The following DLX1 variants were observed in gnomAD, a reference collection of about 807,000 sequenced individuals.
DLX1 encodes the protein distal-less homeobox 1, also known as homeobox protein DLX-1.
Under a neutral mutation model 25.0 loss-of-function variants are expected in DLX1, and 7 were observed. The observed-to-expected ratio is 0.28, with a 90% CI of 0.16 to 0.52. DLX1 has a LOEUF of 0.52. Ranked by LOEUF, DLX1 falls within the 20% of genes least tolerant of loss-of-function variation. The pLI is 0.96. For synonymous variants in DLX1, 155 were observed against 140.3 expected, an observed-to-expected ratio of 1.10 and a Z score of -0.74; for missense variants, 233 against 334.4, an observed-to-expected ratio of 0.70 and a Z score of 2.37.
At chr2:172,086,080 G>C in intron 1 of DLX1, 90 bp downstream of exon 1, 1 of 556,868 alleles carries the variant, frequency 1.8e-6, no homozygotes, top group Non-Finnish European at 2.7e-6. Context: ...GGGAGAGAGA[G>C]AGAAAGAGAA....
At position 172,088,097 on chromosome 2, in the gene DLX1, G is replaced by C. The variant is rs758908128; in HGVS notation, c.608G>C (p.Arg203Pro). 1 of 1,602,538 alleles carries C rather than the reference G, an allele frequency of 6.2e-7. No homozygotes were observed. The change falls in exon 3 of 3, where the codon CGG becomes CCG. Residue 203 changes from arginine to proline, a missense_variant. This residue lies in a region of DLX1 where 84 missense variants were observed against 81.8 expected (regional missense o/e 1.03). Coordinates refer to ENST00000361725, the MANE Select transcript of DLX1 (RefSeq NM_178120.5). ...GAGGGTAGTGCGTTGGCCAACGGTC[G>C]GGCCCTGTCTGCTGGCTCCCCACCC... ...ALEGSALANG[R>P]ALSAGSPPVP...
At chr2:172,087,237 G>A in intron 2 of DLX1, 6 of 408,242 alleles carry the variant, frequency 1.5e-5, no homozygotes, top group Non-Finnish European at 2.4e-5. Context: ...GCCTGGGTCC[G>A]CGCCTCAGCC....
chr2:172,088,275 C>T lies in DLX1; in HGVS notation c.*18C>T. 1 of 1,445,754 alleles carries T rather than the reference C, an allele frequency of 6.9e-7. No individual in the cohort carries two copies. The highest frequency in any genetic ancestry group is 9.2e-7 in the Non-Finnish European group (1 of 1,090,218). The allele number at this position is 1,445,754 out of a possible 1,614,324, so 89.6% of individuals were successfully genotyped here. A position where few individuals can be genotyped will look rare whatever the true frequency, so the allele number is the denominator to read the frequency against. On this transcript the variant is annotated 3_prime_UTR_variant, in exon 3 of 3. Coordinates refer to ENST00000361725, the MANE Select transcript of DLX1 (RefSeq NM_178120.5). ...TTATGTGAGGTTGCCCGCCCGTCTC[C>T]TTCTTGTCTCCCCGGCCCAGGTCCC...
Position 172,087,236 on chromosome 2 carries a change from C to G in DLX1, c.513+383C>G, listed in dbSNP as rs547814095. On this transcript the variant is annotated intron_variant, in intron 2 of 2. Transcript: ENST00000361725. ...TGACTAATCACTCGGGGCCTGGGTC[C>G]GCGCCTCAGCCTCCCTCCTCCTCCT... 294 of 407,976 alleles carry G rather than the reference C, an allele frequency of 7.2e-4. 1 individual carries two copies. The highest frequency in any genetic ancestry group is 1.1e-3 in the Non-Finnish European group (239 of 209,080). The allele number at this position is 407,976 out of a possible 1,614,324, so 25.3% of individuals were successfully genotyped here.
chr2:172,087,290 A>C (rs1010270219), intron 2 of DLX1: 5 of 374,820 alleles, frequency 1.3e-5, no homozygotes, highest in Admixed American at 1.1e-4. Flanking sequence ...GTGGGGGGAG[A>C]TCCTTTCCTC....
Position 172,088,411 on chromosome 2 carries a change from C to T in DLX1, c.*154C>T. 1 of 1,017,956 alleles carries T rather than the reference C, an allele frequency of 9.8e-7. No homozygotes were observed. Among genetic ancestry groups the T allele is most frequent in the Non-Finnish European group, 1.3e-6 (1 of 764,626 alleles). The allele number at this position is 1,017,956 out of a possible 1,614,324, so 63.1% of individuals were successfully genotyped here. A position where few individuals can be genotyped will look rare whatever the true frequency, so the allele number is the denominator to read the frequency against. On this transcript the variant is annotated 3_prime_UTR_variant, in exon 3 of 3. Coordinates refer to ENST00000361725, the MANE Select transcript of DLX1 (RefSeq NM_178120.5). ...CCTCGGAGCCCCGCGAGGTCCGGCC[C>T]AGCAACTTCCCGGCATCCGCGCTCT...
At chr2:172,086,624 C>A in intron 1 of DLX1, 30 bp from the exon 2 acceptor site, 1 of 1,514,148 alleles carries the variant, frequency 6.6e-7, no homozygotes, top group South Asian at 1.3e-5. Flanking sequence ...CTCGTATTAA[C>A]AACGGGCCCT....
In DLX1 at chr2:172,086,797, C is replaced by G; in HGVS notation, c.457C>G (p.Leu153Val). ...CCGGAGGTTCCAGCAAACTCAGTAC[C>G]TAGCTCTGCCGGAGAGGGCGGAGCT... ...LNRRFQQTQY[L>V]ALPERAELAA... The change falls in exon 2 of 3, where the codon CTA becomes GTA. Residue 153 changes from leucine to valine, a missense_variant. By Grantham distance (32) the Leu-to-Val change is conservative. Coordinates refer to ENST00000361725, the MANE Select transcript of DLX1 (RefSeq NM_178120.5). 1 of 1,614,274 alleles carries G rather than the reference C, an allele frequency of 6.2e-7. No homozygotes were observed. The highest frequency in any genetic ancestry group is 8.5e-7 in the Non-Finnish European group (1 of 1,180,050).
chr2:172,088,713 C>T lies in DLX1; in HGVS notation c.*456C>T, dbSNP rs1428752914. ...CCGTCCGCTGTCCTCATTCTGCGGC[C>T]TCAGCAAAAAGCCACAAGGTCTGAG... is the stretch of plus-strand genomic sequence containing the variant. On this transcript the variant is annotated 3_prime_UTR_variant, in exon 3 of 3. Coordinates refer to ENST00000361725, the MANE Select transcript of DLX1 (RefSeq NM_178120.5). The T allele has an allele frequency of 6.5e-6, 1 of 153,822 alleles. No homozygotes were observed. The highest frequency in any genetic ancestry group is 1.5e-5 in the Non-Finnish European group (1 of 68,888). 9.5% of individuals were successfully genotyped at this position (153,822 alleles called of 1,614,324 possible). A position where few individuals can be genotyped will look rare whatever the true frequency, so the allele number is the denominator to read the frequency against.
chr2:172,087,519 C>T (rs1403464905), intron 2 of DLX1: 1 of 459,432 alleles, frequency 2.2e-6, no homozygotes, highest in South Asian at 1.5e-5. Context: ...AACCTTGAGG[C>T]CTCCTTAGTC....
chr2:172,086,467 C>G, intron 1 of DLX1, 187 bp from the exon 2 acceptor site: 2 of 574,390 alleles, frequency 3.5e-6, no homozygotes, highest in East Asian at 3.0e-5. Context: ...ACGGCTCTAT[C>G]CCTCCTGCAG....
In DLX1 at chr2:172,088,996, C is replaced by G. The variant is rs1690919465; in HGVS notation, c.*739C>G. 6.6e-6 allele frequency: 1 copy of G among 152,206 alleles called. No homozygotes were observed. The highest frequency in any genetic ancestry group is 1.5e-5 in the Non-Finnish European group (1 of 68,046). 9.4% of individuals were successfully genotyped at this position (152,206 alleles called of 1,614,324 possible). On this transcript the variant is annotated 3_prime_UTR_variant, in exon 3 of 3. Coordinates refer to ENST00000361725, the MANE Select transcript of DLX1 (RefSeq NM_178120.5). ...TGGTGATTTTTAATTTATACAGTAA[C>G]TTTTGTACTTCTCTGGTATGGAGAG...
chr2:172,086,214 A>G (rs1358949169), intron 1 of DLX1: 5 of 579,088 alleles, frequency 8.6e-6, no homozygotes, highest in Non-Finnish European at 1.5e-5. Flanking sequence ...ATTTGCAACT[A>G]TCCAGCCAAG....
intron 2 of DLX1, 25 bp downstream of exon 2, chr2:172,086,878 C>T: frequency 6.2e-7 from 1 of 1,613,770 alleles, no homozygotes; most frequent in Non-Finnish European, 8.5e-7. Context: ...CCGCTCCGTT[C>T]TGCCACGCAG....
In DLX1 at chr2:172,088,981, TA is replaced by T. The variant is rs1690919104; in HGVS notation, c.*726del. On this transcript the variant is annotated 3_prime_UTR_variant, in exon 3 of 3. Transcript: ENST00000361725. ...CGAATAAGGAGGACGTGGTGATTTTTAATTTATACAGTAACTTTTGTACTTC... is the reference window on the plus strand; with the variant it reads ...CGAATAAGGAGGACGTGGTGATTTTTATTTATACAGTAACTTTTGTACTTC... The T allele has an allele frequency of 1.3e-5, 2 of 152,266 alleles. No individual in the cohort carries two copies. Among genetic ancestry groups the T allele is most frequent in the African/African-American group, 4.8e-5 (2 of 41,464 alleles). The allele number at this position is 152,266 out of a possible 1,614,324, so 9.4% of individuals were successfully genotyped here.
intron 1 of DLX1, 65 bp from the exon 2 acceptor site, chr2:172,086,589 C>T: frequency 4.1e-6 from 6 of 1,452,674 alleles, no homozygotes; most frequent in Non-Finnish European, 5.6e-6. Flanking sequence ...CACTCGCTCT[C>T]GGCTGTTCGC....
At chr2:172,086,182 A>C (rs1690835740) in intron 1 of DLX1, 192 bp downstream of exon 1, 4 of 608,276 alleles carry the variant, frequency 6.6e-6, no homozygotes, top group East Asian at 2.9e-5. Context: ...ACAGCAAATA[A>C]ATTTTTTTAA....
rs1300579344 is a variant in DLX1 at position 172,085,748 on chromosome 2, G to C, written c.71G>C (p.Gly24Ala). 1 of 1,614,120 alleles carries C rather than the reference G, an allele frequency of 6.2e-7. No homozygotes were observed. The highest frequency in any genetic ancestry group is 8.5e-7 in the Non-Finnish European group (1 of 1,180,038). ...VSGKAVFMEF[G>A]PPNQQMSPSP... ...GGCAAGGCGGTGTTTATGGAGTTTGGGCCGCCCAACCAGCAAATGTCTCCT... is the reference window on the plus strand; with the variant it reads ...GGCAAGGCGGTGTTTATGGAGTTTGCGCCGCCCAACCAGCAAATGTCTCCT... Residue 24 changes from glycine (G) to alanine (A), a missense_variant, in exon 1 of 3, where the codon GGG becomes GCG. By Grantham distance (60) the Gly-to-Ala change is moderately conservative. Coordinates refer to ENST00000361725, the MANE Select transcript of DLX1 (RefSeq NM_178120.5). The surrounding 1 kb of genome is among the most constrained non-coding windows in gnomAD (Gnocchi z 4.3).
chr2:172,087,350 C>A, intron 2 of DLX1: 1 of 370,908 alleles, frequency 2.7e-6, no homozygotes, highest in Non-Finnish European at 5.3e-6. Context: ...ACGGGACCTT[C>A]CTTCCCGGCT....
Sources: allele counts gnomAD v4.1 joint callset, GRCh38; gene constraint gnomAD v4.1.1; regional missense constraint gnomAD v4.1.1; non-coding constraint Gnocchi (gnomAD v3.1); transcripts MANE v1.5; gene names NCBI Gene and HGNC (gene_info 2026-07-23, HGNC 2026-07-21).